Variants in HMGCLL1 observed in about 807,000 individuals in gnomAD.
The protein encoded by HMGCLL1 is 3-hydroxy-3-methylglutaryl-CoA lyase like 1, also known as 3-hydroxymethyl-3-methylglutaryl-CoA lyase, cytoplasmic.
HMGCLL1 carries 36 observed loss-of-function variants against 39.1 expected under a neutral mutation model. That is an observed-to-expected ratio of 0.92 (90% confidence interval 0.71 to 1.22). HMGCLL1 has a LOEUF of 1.22. Ranked by LOEUF, HMGCLL1 falls within the 50% of genes most tolerant of loss-of-function variation. The pLI is 0.00. For synonymous variants in HMGCLL1, 149 were observed against 144.0 expected (o/e 1.03, Z -0.25); for missense variants, 451 against 416.5 (o/e 1.08, Z -0.72).
intron 3 of HMGCLL1, among the ~76,000 whole-genome samples, chr6:55,524,473 A>AAAAAC (rs1266566500): frequency 6.8e-6 from 1 of 146,534 alleles, no homozygotes; most frequent in Admixed American, 6.8e-5. Flanking sequence ...TAAAAAAAAA[A>AAAAAC]AAAAAACGGG....
the HMGCLL1 span, among the ~76,000 whole-genome samples, chr6:55,642,570 C>T: frequency 4.0e-3 from 605 of 152,144 alleles, 2 homozygotes; most frequent in Middle Eastern, 0.014. Context: ...GGTTAGTCAT[C>T]CCCCTCAAGC....
At chr6:55,638,280 G>A in the HMGCLL1 span, among the ~76,000 whole-genome samples, 1,123 of 151,772 alleles carry the variant, frequency 7.4e-3, 10 homozygotes, top group African/African-American at 0.026. Flanking sequence ...GGTGGCGGGC[G>A]CTTGTAATCC....
At chr6:55,514,300 T>A in intron 4 of HMGCLL1, 104 bp from the exon 5 acceptor site, 2 of 771,074 alleles carry the variant, frequency 2.6e-6, no homozygotes, top group Non-Finnish European at 4.0e-6. Context: ...ATGTATTCTT[T>A]AATATTTGCC....
the HMGCLL1 span, among the ~76,000 whole-genome samples, chr6:55,584,259 T>G: frequency 3.9e-5 from 6 of 152,144 alleles, no homozygotes; most frequent in Non-Finnish European, 8.8e-5. Context: ...TAATTTTCAA[T>G]GTATTCTGGA....
chr6:55,576,637 T>A (rs1484820986), intron 1 of HMGCLL1, among the ~76,000 whole-genome samples: 2 of 152,210 alleles, frequency 1.3e-5, no homozygotes, highest in Non-Finnish European at 2.9e-5. Flanking sequence ...ATATGAGAGA[T>A]AATGCCATTT....
chr6:55,611,105 C>T, the HMGCLL1 span, among the ~76,000 whole-genome samples: 7 of 152,136 alleles, frequency 4.6e-5, no homozygotes, highest in Non-Finnish European at 8.8e-5. Context: ...GATTAAGAAA[C>T]TCACTCAAAA....
intron 1 of HMGCLL1, among the ~76,000 whole-genome samples, chr6:55,578,663 C>A (rs1264209593): frequency 6.6e-6 from 1 of 152,136 alleles, no homozygotes; most frequent in African/African-American, 2.4e-5. Flanking sequence ...CATCCCTTTC[C>A]AGGAAAACAC....
the HMGCLL1 span, among the ~76,000 whole-genome samples, chr6:55,649,092 C>G: frequency 6.6e-6 from 1 of 152,094 alleles, no homozygotes; most frequent in African/African-American, 2.4e-5. Flanking sequence ...TTTAGTCCTT[C>G]TACTTAAGTC....
At chr6:55,445,403 GCT>G (rs1264013044) in intron 7 of HMGCLL1, among the ~76,000 whole-genome samples, 1 of 151,568 alleles carries the variant, frequency 6.6e-6, no homozygotes. Flanking sequence ...ATGTAAACAA[GCT>G]CTGAAAAAAA....
the HMGCLL1 span, among the ~76,000 whole-genome samples, chr6:55,600,055 T>C: frequency 6.6e-6 from 1 of 152,186 alleles, no homozygotes; most frequent in Non-Finnish European, 1.5e-5. Flanking sequence ...TTAAACTGAA[T>C]GATTTACATT....
chr6:55,453,481 G>A (rs964663023), intron 7 of HMGCLL1, among the ~76,000 whole-genome samples: 2 of 152,158 alleles, frequency 1.3e-5, no homozygotes, highest in African/African-American at 4.8e-5. Context: ...TTAATGAGAT[G>A]TTTATTGTAG....
chr6:55,493,801 C>T (rs750983896), intron 7 of HMGCLL1, among the ~76,000 whole-genome samples: 6 of 151,628 alleles, frequency 4.0e-5, no homozygotes, highest in Non-Finnish European at 7.4e-5. Flanking sequence ...GGTACGATCT[C>T]GGCTCACTGC....
At chr6:55,525,211 A>G (rs1768256188) in intron 3 of HMGCLL1, among the ~76,000 whole-genome samples, 3 of 151,846 alleles carry the variant, frequency 2.0e-5, no homozygotes, top group African/African-American at 7.2e-5. Context: ...GAAAACTAAA[A>G]AAAGAATTCT....
chr6:55,587,362 A>G, the HMGCLL1 span, among the ~76,000 whole-genome samples: 1 of 151,898 alleles, frequency 6.6e-6, no homozygotes, highest in Non-Finnish European at 1.5e-5. Context: ...CAGACAAGCA[A>G]ATGTTGAGAG....
chr6:55,492,184 T>G (rs1269337239), intron 7 of HMGCLL1, among the ~76,000 whole-genome samples: 1 of 152,196 alleles, frequency 6.6e-6, no homozygotes, highest in Non-Finnish European at 1.5e-5. Flanking sequence ...CCAATCTTAC[T>G]AGAAGCCACT....
intron 1 of HMGCLL1, among the ~76,000 whole-genome samples, chr6:55,570,882 G>A (rs1771445328): frequency 6.6e-6 from 1 of 152,166 alleles, no homozygotes; most frequent in Non-Finnish European, 1.5e-5. Context: ...CATGGCTAGG[G>A]AGGCCTCACA....
chr6:55,595,412 G>T, the HMGCLL1 span, among the ~76,000 whole-genome samples: 1 of 152,250 alleles, frequency 6.6e-6, no homozygotes, highest in African/African-American at 2.4e-5. Flanking sequence ...TCTGTAAAAG[G>T]TGACATATAT....
At chr6:55,632,232 G>T in the HMGCLL1 span, among the ~76,000 whole-genome samples, 1 of 151,886 alleles carries the variant, frequency 6.6e-6, no homozygotes, top group Non-Finnish European at 1.5e-5. Flanking sequence ...CTTAGTAAAA[G>T]CATACAATAA....
chr6:55,594,227 A>C, the HMGCLL1 span, among the ~76,000 whole-genome samples: 1 of 152,062 alleles, frequency 6.6e-6, no homozygotes, highest in Non-Finnish European at 1.5e-5. Flanking sequence ...CAGTTGATTT[A>C]TTTTTCTTCT....
Sources: gnomAD v4.1 joint callset for allele counts (sites outside exome capture counted in the v4.1 genomes callset) on GRCh38, gnomAD v4.1.1 for gene constraint, MANE v1.5 for transcripts, NCBI Gene and HGNC (gene_info 2026-07-23, HGNC 2026-07-21) for gene names.